DCDC2C: variants seen among roughly 807,000 people sequenced by gnomAD.
The protein encoded by DCDC2C is doublecortin domain containing 2C, also known as doublecortin domain-containing protein 2C.
DCDC2C carries 44 observed loss-of-function variants against 45.0 expected under a neutral mutation model. That is an observed-to-expected ratio of 0.98 (90% confidence interval 0.77 to 1.26). The LOEUF is 1.26. Ranked by LOEUF, DCDC2C falls within the 50% of genes most tolerant of loss-of-function variation. DCDC2C has a pLI of 0.00. For synonymous variants in DCDC2C, 187 were observed against 178.8 expected (o/e 1.05, Z -0.37); for missense variants, 447 against 468.9 (o/e 0.95, Z 0.43).
At position 3,734,083 on chromosome 2, in the gene DCDC2C, G is replaced by T. The variant is rs914093068; in HGVS notation, c.416+7004G>T. Among the ~76,000 whole-genome samples, 1 of 152,220 alleles carries T rather than the reference G, an allele frequency of 6.6e-6. No individual in the cohort carries two copies. The highest frequency in any genetic ancestry group is 2.4e-5 in the African/African-American group (1 of 41,456). On this transcript the variant is annotated intron_variant, in intron 3 of 10. Coordinates refer to ENST00000399143, the MANE Select transcript of DCDC2C (RefSeq NM_001287444.2). The surrounding 1 kb of genome is among the most constrained non-coding windows in gnomAD (Gnocchi z 4.2). The stretch of plus-strand genomic sequence containing the variant: ...AGTGCCTCCAGAAGTTCTGCTATTT[G>T]ACTGGGCTACCGGCTGCTGTCGTAA...
rs1164378940 is a variant in DCDC2C, at chr2:3,815,364, C to G, written c.1065+30264C>G. Among the ~76,000 whole-genome samples, 6 of 152,194 alleles carry G rather than the reference C, an allele frequency of 3.9e-5. No homozygotes were observed. The East Asian group carries it at 1.2e-3, about 29-fold the overall frequency. ...CTCCTTCTTCCTCTTCCCTCCAGCT[C>G]TTAGTCAGTTCTGATGAGAGAACCT... On this transcript the variant is annotated intron_variant, in intron 10 of 10. Coordinates refer to ENST00000399143, the MANE Select transcript of DCDC2C (RefSeq NM_001287444.2).
At chr2:3,763,892 G>A (rs779103665) in intron 6 of DCDC2C, among the ~76,000 whole-genome samples, 3 of 152,138 alleles carry the variant, frequency 2.0e-5, no homozygotes, top group Non-Finnish European at 4.4e-5. Context: ...CTCAGTAGGC[G>A]ATTATTGAGG....
intron 10 of DCDC2C, among the ~76,000 whole-genome samples, chr2:3,827,201 A>AG (rs1189205112): frequency 2.6e-5 from 4 of 152,134 alleles, no homozygotes; most frequent in Non-Finnish European, 4.4e-5. Context: ...GGAGGCTGGA[A>AG]GGGGAAGAGA....
intron 8 of DCDC2C, among the ~76,000 whole-genome samples, chr2:3,774,114 A>G (rs1390087997): frequency 6.6e-6 from 1 of 152,246 alleles, no homozygotes; most frequent in African/African-American, 2.4e-5. Context: ...GGAGAAGGTC[A>G]ATCTAAACTT....
chr2:3,742,057 A>T lies in DCDC2C; in HGVS notation c.545+9A>T, dbSNP rs1669231438. On this transcript the variant is annotated intron_variant, in intron 4 of 10. Coordinates refer to ENST00000399143, the MANE Select transcript of DCDC2C (RefSeq NM_001287444.2). ...CTAGGAGGCGTTCGGAAGTAAGGAGACTCTCGCCTTTAGGACAGCCAGGGG... is the reference window on the plus strand; with the variant it reads ...CTAGGAGGCGTTCGGAAGTAAGGAGTCTCTCGCCTTTAGGACAGCCAGGGG... 1 of 1,521,410 alleles carries T rather than the reference A, an allele frequency of 6.6e-7. No homozygotes were observed. Among genetic ancestry groups the T allele is most frequent in the South Asian group, 1.3e-5 (1 of 77,266 alleles). The allele number at this position is 1,521,410 out of a possible 1,614,324, so 94.2% of individuals were successfully genotyped here. A position where few individuals can be genotyped will look rare whatever the true frequency, so the allele number is the denominator to read the frequency against.
intron 10 of DCDC2C, among the ~76,000 whole-genome samples, chr2:3,809,186 CT>C (rs965142013): frequency 5.9e-5 from 9 of 152,116 alleles, no homozygotes; most frequent in African/African-American, 1.9e-4. Flanking sequence ...CAATTTTATT[CT>C]TCCTTTTCAA....
At chr2:3,839,491 T>C (rs1027563024) in intron 10 of DCDC2C, among the ~76,000 whole-genome samples, 1 of 152,186 alleles carries the variant, frequency 6.6e-6, no homozygotes, top group Non-Finnish European at 1.5e-5. Context: ...AATGTACAAT[T>C]GAGGAAATTC....
intron 10 of DCDC2C, among the ~76,000 whole-genome samples, chr2:3,846,871 A>G (rs952598249): frequency 1.3e-4 from 20 of 152,226 alleles, no homozygotes; most frequent in Non-Finnish European, 2.9e-4. Flanking sequence ...GTTGTTTTAG[A>G]TAAACTGAAA....
At chr2:3,727,758 G>A (rs764940252) in intron 3 of DCDC2C, among the ~76,000 whole-genome samples, 15 of 152,172 alleles carry the variant, frequency 9.9e-5, no homozygotes, top group African/African-American at 1.7e-4. Context: ...CCGGCTTTTC[G>A]TCTTATCAGC....
chr2:3,839,309 T>C (rs2148244252), intron 10 of DCDC2C, among the ~76,000 whole-genome samples: 1 of 152,344 alleles, frequency 6.6e-6, no homozygotes, highest in Admixed American at 6.5e-5. Flanking sequence ...AATTATACCT[T>C]CAACCAAAAC....
intron 2 of DCDC2C, among the ~76,000 whole-genome samples, chr2:3,717,366 C>G (rs1373346353): frequency 6.6e-6 from 1 of 152,132 alleles, no homozygotes; most frequent in Non-Finnish European, 1.5e-5. Context: ...GTTTCCTATT[C>G]CAGAAGATGG....
intron 10 of DCDC2C, among the ~76,000 whole-genome samples, chr2:3,837,023 GTC>G (rs1338094414): frequency 6.6e-6 from 1 of 152,158 alleles, no homozygotes; most frequent in Non-Finnish European, 1.5e-5. Flanking sequence ...AGGACCTGCT[GTC>G]TACAGAGCGG....
chr2:3,723,351 G>A (rs1426269103), intron 2 of DCDC2C, among the ~76,000 whole-genome samples: 3 of 152,238 alleles, frequency 2.0e-5, no homozygotes, highest in African/African-American at 7.2e-5. Flanking sequence ...GACTGGGCAG[G>A]GAGGGCTTCT....
intron 10 of DCDC2C, among the ~76,000 whole-genome samples, chr2:3,838,215 G>A (rs1672127480): frequency 6.6e-6 from 1 of 151,986 alleles, no homozygotes; most frequent in Non-Finnish European, 1.5e-5. Context: ...AATGGTGGCA[G>A]GGCTGGTGGC....
At chr2:3,704,835 G>T (rs1052345947) in intron 1 of DCDC2C, among the ~76,000 whole-genome samples, 2 of 151,830 alleles carry the variant, frequency 1.3e-5, no homozygotes, top group Non-Finnish European at 2.9e-5. Context: ...TTGGTCCTGC[G>T]TGCATTTTCA....
intron 10 of DCDC2C, among the ~76,000 whole-genome samples, chr2:3,846,695 G>A (rs1226890092): frequency 6.6e-6 from 1 of 152,134 alleles, no homozygotes; most frequent in Admixed American, 6.5e-5. Flanking sequence ...CTAGGAGGAT[G>A]GCTTAAATAG....
At position 3,767,769 on chromosome 2, in the gene DCDC2C, A is replaced by G. The variant is rs1233026451; in HGVS notation, c.742A>G (p.Lys248Glu). The change falls in exon 7 of 11, where the codon AAA becomes GAA. Residue 248 changes from lysine (K) to glutamate (E), a missense_variant. Coordinates refer to ENST00000399143, the MANE Select transcript of DCDC2C (RefSeq NM_001287444.2). ...TGTCCTGTAGGTGGACTCCAAAGGAAAAGAACCTTGTAAATATGATGGCAT... is the reference window on the plus strand; with the variant it reads ...TGTCCTGTAGGTGGACTCCAAAGGAGAAGAACCTTGTAAATATGATGGCAT... Reference protein sequence around the residue: ...QRKKKVDSKGKEPCKYDGIPP... With the variant: ...QRKKKVDSKGEEPCKYDGIPP... The G allele has an allele frequency of 1.3e-6, 2 of 1,550,684 alleles. No homozygotes were observed. The highest frequency in any genetic ancestry group is 2.0e-5 in the Admixed American group (1 of 50,968).
At position 3,710,362 on chromosome 2, in the gene DCDC2C, C is replaced by G. The variant is rs190688101; in HGVS notation, c.339+1762C>G. On this transcript the variant is annotated intron_variant, in intron 2 of 10. Coordinates refer to ENST00000399143, the MANE Select transcript of DCDC2C (RefSeq NM_001287444.2). ...TCCTGATACTCTCCCTCCCCTCATTCCTCCTCTCTGACAGGCGCCAGTGTG... is the reference window on the plus strand; with the variant it reads ...TCCTGATACTCTCCCTCCCCTCATTGCTCCTCTCTGACAGGCGCCAGTGTG... Among the ~76,000 whole-genome samples the G allele has an allele frequency of 2.1e-3, 319 of 152,250 alleles. 1 individual carries two copies. The highest frequency in any genetic ancestry group is 3.1e-3 in the Non-Finnish European group (212 of 68,026).
chr2:3,768,555 C>T (rs1670074247), intron 7 of DCDC2C, among the ~76,000 whole-genome samples: 1 of 152,124 alleles, frequency 6.6e-6, no homozygotes, highest in Admixed American at 6.5e-5. Context: ...CCTAAACACC[C>T]TTCCTCCCCT....
Sources: gnomAD v4.1 joint callset for allele counts (sites outside exome capture counted in the v4.1 genomes callset) on GRCh38, gnomAD v4.1.1 for gene constraint, Gnocchi (gnomAD v3.1) non-coding constraint, MANE v1.5 for transcripts, NCBI Gene and HGNC (gene_info 2026-07-23, HGNC 2026-07-21) for gene names.